The following FCF1 variants were observed in gnomAD, a reference collection of about 807,000 sequenced individuals.
FCF1 encodes rRNA-processing protein FCF1 homolog.
Under a neutral mutation model 32.5 loss-of-function variants are expected in FCF1, and 17 were observed. That is an observed-to-expected ratio of 0.52 (90% CI 0.36 to 0.78). The LOEUF (loss-of-function observed/expected upper bound fraction) is 0.78, where lower values mean the gene tolerates loss of function less well. FCF1 is among the 30% of genes least tolerant of loss of function. The pLI is 0.00. For synonymous variants in FCF1, 84 were observed against 78.4 expected, an observed-to-expected ratio of 1.07 and a Z score of -0.38; for missense variants, 201 against 241.1, an observed-to-expected ratio of 0.83 and a Z score of 1.10.
At chr14:74,714,262 T>C (rs931078788) in intron 2 of FCF1, among the ~76,000 whole-genome samples, 5 of 152,204 alleles carry the variant, frequency 3.3e-5, no homozygotes, top group African/African-American at 1.2e-4. Flanking sequence ...AAAACCAGCC[T>C]GGCCAACACG....
intron 5 of FCF1, among the ~76,000 whole-genome samples, chr14:74,728,263 G>A (rs1407560910): frequency 5.3e-5 from 8 of 152,034 alleles, no homozygotes; most frequent in Non-Finnish European, 1.2e-4. Flanking sequence ...ATTTGTTTGT[G>A]TCCTCTTTTA....
intron 4 of FCF1, among the ~76,000 whole-genome samples, chr14:74,718,756 G>A (rs1490820529): frequency 6.6e-6 from 1 of 152,024 alleles, no homozygotes; most frequent in African/African-American, 2.4e-5. Flanking sequence ...ATAGGCATGA[G>A]CCACCACGCC....
At chr14:74,714,754 C>G in intron 2 of FCF1, 118 bp from the exon 3 acceptor site, 1 of 1,339,516 alleles carries the variant, frequency 7.5e-7, no homozygotes, top group Admixed American at 3.0e-5. Context: ...GAGGATATCA[C>G]AAAGTAGGAT....
Position 74,713,475 on chromosome 14 carries a change from C to A in FCF1, c.4-10C>A. 1 of 1,612,550 alleles carries A rather than the reference C, an allele frequency of 6.2e-7. No homozygotes were observed. The highest frequency in any genetic ancestry group is 8.5e-7 in the Non-Finnish European group (1 of 1,179,478). On this transcript the variant is annotated splice_polypyrimidine_tract_variant and intron_variant, in intron 1 of 7. Transcript: ENST00000341162. ...TCCAACTTTTTTAATTCTAAAATTT[C>A]TGTTTCAAGGGGAAGCAAAAGAAAA...
At chr14:74,716,594 GTTTA>G (rs2090424417) in intron 4 of FCF1, among the ~76,000 whole-genome samples, 1 of 152,126 alleles carries the variant, frequency 6.6e-6, no homozygotes, top group Non-Finnish European at 1.5e-5. Flanking sequence ...ATCTGAGGTA[GTTTA>G]TTTACACCTA....
At chr14:74,728,366 A>G (rs1414541130) in intron 5 of FCF1, among the ~76,000 whole-genome samples, 2 of 151,978 alleles carry the variant, frequency 1.3e-5, no homozygotes, top group South Asian at 2.1e-4. Flanking sequence ...CTTTGAAGCA[A>G]TTGTGAATGG....
intron 5 of FCF1, among the ~76,000 whole-genome samples, chr14:74,724,320 G>T (rs539731157): frequency 4.5e-4 from 69 of 152,280 alleles, no homozygotes; most frequent in Admixed American, 4.4e-3. Context: ...GTGTTGCTCT[G>T]TCACCCAGGC....
intron 4 of FCF1, among the ~76,000 whole-genome samples, chr14:74,722,984 A>AT (rs923702005): frequency 1.3e-5 from 2 of 151,926 alleles, no homozygotes; most frequent in African/African-American, 4.8e-5. Context: ...AAAATAAATA[A>AT]TTTTTTTCCC....
chr14:74,723,132 C>T, intron 4 of FCF1, 140 bp from the exon 5 acceptor site: 1 of 626,658 alleles, frequency 1.6e-6, no homozygotes, highest in Non-Finnish European at 2.9e-6. Context: ...TACTCTAGTT[C>T]TTCTTGTATA....
intron 4 of FCF1, among the ~76,000 whole-genome samples, chr14:74,721,653 C>G (rs1037163275): frequency 6.6e-6 from 1 of 151,992 alleles, no homozygotes; most frequent in Non-Finnish European, 1.5e-5. Flanking sequence ...CCACTGCACT[C>G]CAGCCTGGGC....
chr14:74,726,275 C>G (rs2090577133), intron 5 of FCF1, among the ~76,000 whole-genome samples: 1 of 151,404 alleles, frequency 6.6e-6, no homozygotes, highest in Non-Finnish European at 1.5e-5. Flanking sequence ...TTCCTTGAGC[C>G]CAGGAGTTTG....
chr14:74,723,828 CA>C (rs11396572), intron 5 of FCF1, among the ~76,000 whole-genome samples: 219 of 111,754 alleles, frequency 2.0e-3, no homozygotes, highest in African/African-American at 5.1e-3. Context: ...AACTCTGTCT[CA>C]AAAAAAAAAA....
chr14:74,718,244 T>G (rs2090448014), intron 4 of FCF1, among the ~76,000 whole-genome samples: 1 of 152,216 alleles, frequency 6.6e-6, no homozygotes, highest in South Asian at 2.1e-4. Context: ...ACATGGTTCC[T>G]GGTCTCTTCT....
Position 74,734,937 on chromosome 14 carries a change from C to T in FCF1, c.*7C>T. ...TGGAGCCCCTCGATTCTAATTCTTA[C>T]AAGACACAGTTCCTCTGCCTTTCTT... On this transcript the variant is annotated 3_prime_UTR_variant, in exon 8 of 8. Transcript: ENST00000341162. 1.9e-6 allele frequency: 3 copies of T among 1,611,816 alleles called. No individual in the cohort carries two copies. Among genetic ancestry groups the T allele is most frequent in the Non-Finnish European group, 2.5e-6 (3 of 1,177,942 alleles).
chr14:74,726,464 T>C (rs1477654730), intron 5 of FCF1, among the ~76,000 whole-genome samples: 1 of 151,834 alleles, frequency 6.6e-6, no homozygotes, highest in Non-Finnish European at 1.5e-5. Flanking sequence ...AGCGAGACCC[T>C]GTCTCAAAAA....
chr14:74,722,915 T>C (rs2090525088), intron 4 of FCF1, among the ~76,000 whole-genome samples: 1 of 151,980 alleles, frequency 6.6e-6, no homozygotes, highest in African/African-American at 2.4e-5. Context: ...TGAGTTGAGA[T>C]CGTGCCACTG....
intron 6 of FCF1, 116 bp from the exon 7 acceptor site, chr14:74,733,960 G>T (rs1020826955): frequency 1.1e-4 from 74 of 668,314 alleles, no homozygotes; most frequent in Middle Eastern, 7.6e-4. Context: ...CCTGCCCTTC[G>T]CTACTTACTG....
rs1429028152 is a variant in FCF1 at position 74,738,480 on chromosome 14, T to C, written c.*3550T>C. On this transcript the variant is annotated 3_prime_UTR_variant, in exon 8 of 8. Transcript: ENST00000341162. ...TCCCCTCCCCTAAAAAACAAGTGACTGATGAGATTTTCCAATACATGTAAC... is the reference window on the plus strand; with the variant it reads ...TCCCCTCCCCTAAAAAACAAGTGACCGATGAGATTTTCCAATACATGTAAC... 6.6e-6 allele frequency: 1 copy of C among 152,226 alleles called. No individual in the cohort carries two copies. Among genetic ancestry groups the C allele is most frequent in the African/African-American group, 2.4e-5 (1 of 41,462 alleles). The allele number at this position is 152,226 out of a possible 1,614,324, so 9.4% of individuals were successfully genotyped here.
At chr14:74,727,440 T>C (rs977343441) in intron 5 of FCF1, among the ~76,000 whole-genome samples, 5 of 152,298 alleles carry the variant, frequency 3.3e-5, no homozygotes, top group Non-Finnish European at 7.3e-5. Flanking sequence ...CTTCGCCCAC[T>C]TTTTGATGGG....
Sources: allele counts gnomAD v4.1 joint callset (sites outside exome capture counted in the v4.1 genomes callset), GRCh38; gene constraint gnomAD v4.1.1; transcripts MANE v1.5; gene names NCBI Gene and HGNC (gene_info 2026-07-23, HGNC 2026-07-21).